The following AUTS2 variants were observed in gnomAD, a reference collection of about 807,000 sequenced individuals.
AUTS2 encodes the protein activator of transcription and developmental regulator AUTS2.
In AUTS2, 17 loss-of-function variants were observed where a neutral mutation model predicts 112.4. That is an observed-to-expected ratio of 0.15 (90% CI 0.10 to 0.23). The LOEUF (loss-of-function observed/expected upper bound fraction) is 0.23, where lower values mean the gene tolerates loss of function less well. Among genes scored for constraint, AUTS2 ranks in the 10% least tolerant of loss-of-function variants. The pLI, the probability that AUTS2 is intolerant of heterozygous loss-of-function variation, is 1.00. For synonymous variants in AUTS2, 751 were observed against 702.7 expected (o/e 1.07, Z -1.09); for missense variants, 1,510 against 1,701.6 (o/e 0.89, Z 1.98).
At chr7:69,630,313 G>A (rs1286232962) in intron 1 of AUTS2, among the ~76,000 whole-genome samples, 2 of 152,134 alleles carry the variant, frequency 1.3e-5, no homozygotes, top group African/African-American at 4.8e-5. Context: ...TCCATGTCAG[G>A]AATTTCCTCT....
At chr7:69,850,902 A>T (rs1792447258) in intron 1 of AUTS2, among the ~76,000 whole-genome samples, 1 of 152,162 alleles carries the variant, frequency 6.6e-6, no homozygotes, top group African/African-American at 2.4e-5. Context: ...TTTTGATGTC[A>T]TGTCTAAGAA....
At chr7:69,613,171 C>T (rs1793140061) in intron 1 of AUTS2, among the ~76,000 whole-genome samples, 1 of 152,178 alleles carries the variant, frequency 6.6e-6, no homozygotes, top group African/African-American at 2.4e-5. Flanking sequence ...GCTTGGGCTC[C>T]TTATCCCTTT....
chr7:70,461,058 C>A (rs1451515334), intron 5 of AUTS2, among the ~76,000 whole-genome samples: 2 of 152,062 alleles, frequency 1.3e-5, no homozygotes, highest in Non-Finnish European at 2.9e-5. Context: ...GAAAAACCAA[C>A]CCCTGGGTTA....
intron 4 of AUTS2, among the ~76,000 whole-genome samples, chr7:70,210,853 C>T (rs139430103): frequency 3.3e-5 from 5 of 152,180 alleles, no homozygotes; most frequent in Non-Finnish European, 7.3e-5. Flanking sequence ...TTGTATGCAT[C>T]GTTGCATGGC....
chr7:69,713,491 G>A (rs529821470), intron 1 of AUTS2, among the ~76,000 whole-genome samples: 1 of 145,170 alleles, frequency 6.9e-6, no homozygotes, highest in Non-Finnish European at 1.5e-5. Flanking sequence ...AGGGAGTGTC[G>A]CTCTTCTTGC....
chr7:70,046,682 G>A (rs1801519881), intron 2 of AUTS2, among the ~76,000 whole-genome samples: 2 of 152,202 alleles, frequency 1.3e-5, no homozygotes, highest in Admixed American at 1.3e-4. Context: ...AGTAATTGTC[G>A]ATTAAACCAA....
intron 5 of AUTS2, among the ~76,000 whole-genome samples, chr7:70,678,905 G>A (rs980532700): frequency 2.6e-5 from 4 of 152,090 alleles, no homozygotes; most frequent in Admixed American, 6.6e-5. Flanking sequence ...GTGGTTTTTC[G>A]AAGCACAGGG....
intron 2 of AUTS2, among the ~76,000 whole-genome samples, chr7:70,036,033 A>G (rs755663848): frequency 1.3e-5 from 2 of 152,262 alleles, no homozygotes; most frequent in Non-Finnish European, 2.9e-5. Flanking sequence ...AGAGCAGGAC[A>G]GACTGCTTTG....
intron 4 of AUTS2, among the ~76,000 whole-genome samples, chr7:70,331,316 T>C (rs563516245): frequency 1.3e-5 from 2 of 152,302 alleles, no homozygotes; most frequent in South Asian, 4.1e-4. Flanking sequence ...TTCTTCTAGA[T>C]TTTCTAGTTT....
At chr7:70,388,780 TA>T (rs1793724486) in intron 4 of AUTS2, among the ~76,000 whole-genome samples, 1 of 152,214 alleles carries the variant, frequency 6.6e-6, no homozygotes, top group South Asian at 2.1e-4. Context: ...GGTTATTGAT[TA>T]GGGGCAGACC....
chr7:70,644,108 C>G (rs1806013216), intron 5 of AUTS2, among the ~76,000 whole-genome samples: 1 of 152,144 alleles, frequency 6.6e-6, no homozygotes, highest in African/African-American at 2.4e-5. Flanking sequence ...TCAATTGGCT[C>G]ATTCAACAAG....
At chr7:70,307,792 G>T (rs1350887633) in intron 4 of AUTS2, among the ~76,000 whole-genome samples, 1 of 152,024 alleles carries the variant, frequency 6.6e-6, no homozygotes, top group African/African-American at 2.4e-5. Flanking sequence ...TTGAACAAGA[G>T]CTCTGTTGAA....
At chr7:70,356,586 GTTAC>G (rs957447946) in intron 4 of AUTS2, among the ~76,000 whole-genome samples, 7 of 152,158 alleles carry the variant, frequency 4.6e-5, no homozygotes, top group African/African-American at 1.7e-4. Context: ...TTGTGAGGGG[GTTAC>G]TTACTGTATT....
intron 4 of AUTS2, among the ~76,000 whole-genome samples, chr7:70,227,907 T>C (rs1403001141): frequency 6.6e-6 from 1 of 152,108 alleles, no homozygotes; most frequent in Non-Finnish European, 1.5e-5. Context: ...ACTATACTCA[T>C]TTGGGGTGGA....
intron 4 of AUTS2, among the ~76,000 whole-genome samples, chr7:70,179,515 TG>T (rs1809185556): frequency 6.6e-6 from 1 of 152,372 alleles, no homozygotes; most frequent in East Asian, 1.9e-4. Context: ...GTCTGACTTC[TG>T]TGTCCATCTG....
chr7:69,763,818 C>T (rs527919674), intron 1 of AUTS2, among the ~76,000 whole-genome samples: 1 of 152,270 alleles, frequency 6.6e-6, no homozygotes, highest in East Asian at 1.9e-4. Context: ...GTACATAGCT[C>T]ATGTTCTCCT....
intron 13 of AUTS2, chr7:70,776,827 G>A (rs528406368): frequency 2.1e-6 from 1 of 479,192 alleles, no homozygotes; most frequent in Admixed American, 3.4e-5. Context: ...GTGGGATTCA[G>A]GCTTTTGCCG....
intron 2 of AUTS2, among the ~76,000 whole-genome samples, chr7:69,966,184 A>AG (rs1381721583): frequency 2.0e-5 from 3 of 152,192 alleles, no homozygotes; most frequent in Non-Finnish European, 4.4e-5. Context: ...GGCTCAGGAA[A>AG]GCCTGATGTG....
At position 70,487,662 on chromosome 7, in the gene AUTS2, G is replaced by A. The variant is rs556798373; in HGVS notation, c.690+51881G>A. Among the ~76,000 whole-genome samples, 6 of 152,324 alleles carry A rather than the reference G, an allele frequency of 3.9e-5. No homozygotes were observed. In the South Asian group the frequency reaches 6.2e-4, roughly 16 times the overall value. On this transcript the variant is annotated intron_variant, in intron 5 of 18. Transcript: ENST00000342771. ...GCATGCTAAATGTGATAAATGAATA[G>A]GAATGTGTGTTTGCACAGTGGGCTC...
Sources: gnomAD v4.1 joint callset for allele counts (sites outside exome capture counted in the v4.1 genomes callset) on GRCh38, gnomAD v4.1.1 for gene constraint, MANE v1.5 for transcripts, NCBI Gene and HGNC (gene_info 2026-07-23, HGNC 2026-07-21) for gene names.